Variants in SHISA9 observed in about 807,000 individuals in gnomAD.
SHISA9 encodes the protein protein shisa-9.
A neutral mutation model predicts 38.0 loss-of-function variants in SHISA9; 13 were observed. That is an observed-to-expected ratio of 0.34 (90% confidence interval 0.22 to 0.54). The LOEUF (loss-of-function observed/expected upper bound fraction) is 0.54, where lower values mean the gene tolerates loss of function less well. SHISA9 is among the 20% of genes least tolerant of loss of function. The pLI is 0.91. For missense variants in SHISA9, 538 were observed against 575.8 expected, an observed-to-expected ratio of 0.93 and a Z score of 0.67; for synonymous variants, 275 against 242.0, an observed-to-expected ratio of 1.14 and a Z score of -1.27.
intron 2 of SHISA9, among the ~76,000 whole-genome samples, chr16:13,059,077 GTGATATTATT>G (rs1272413333): frequency 6.8e-6 from 1 of 147,386 alleles, no homozygotes; most frequent in African/African-American, 2.5e-5. Context: ...ACCTCTGAAT[GTGATATTATT>G]TGATATTATT....
chr16:12,984,338 C>T (rs1444411820), intron 2 of SHISA9, among the ~76,000 whole-genome samples: 1 of 152,204 alleles, frequency 6.6e-6, no homozygotes, highest in Non-Finnish European at 1.5e-5. Context: ...TGGAGGACTT[C>T]ACATTAAATT....
At chr16:13,221,213 A>T (rs905501250) in intron 4 of SHISA9, among the ~76,000 whole-genome samples, 4 of 152,108 alleles carry the variant, frequency 2.6e-5, no homozygotes, top group African/African-American at 9.7e-5. Flanking sequence ...GACCTGGTTC[A>T]TGTGCAGCCT....
the SHISA9 span, among the ~76,000 whole-genome samples, chr16:13,305,154 T>G: frequency 2.0e-5 from 3 of 152,150 alleles, no homozygotes; most frequent in African/African-American, 7.2e-5. Flanking sequence ...CACATACACC[T>G]AATACATGTA....
chr16:13,222,997 C>G (rs1405668331), intron 4 of SHISA9, among the ~76,000 whole-genome samples: 2 of 152,212 alleles, frequency 1.3e-5, no homozygotes, highest in East Asian at 3.9e-4. Flanking sequence ...TCAATACTCT[C>G]CATCCCCAGG....
intron 2 of SHISA9, among the ~76,000 whole-genome samples, chr16:12,946,311 C>G (rs2071687745): frequency 6.6e-6 from 1 of 152,120 alleles, no homozygotes; most frequent in African/African-American, 2.4e-5. Flanking sequence ...TTAGGATTTT[C>G]TTGGCTATAG....
At chr16:12,977,278 T>C (rs766605305) in intron 2 of SHISA9, among the ~76,000 whole-genome samples, 1 of 152,032 alleles carries the variant, frequency 6.6e-6, no homozygotes, top group Non-Finnish European at 1.5e-5. Context: ...GAATTCATGA[T>C]AGGGGGAAGA....
the SHISA9 span, among the ~76,000 whole-genome samples, chr16:13,379,027 T>A: frequency 6.6e-6 from 1 of 152,190 alleles, no homozygotes; most frequent in Non-Finnish European, 1.5e-5. Context: ...TCAAGGAACC[T>A]CATCTCCTTC....
At chr16:12,998,832 G>A (rs1005799612) in intron 2 of SHISA9, among the ~76,000 whole-genome samples, 9 of 152,116 alleles carry the variant, frequency 5.9e-5, no homozygotes, top group East Asian at 1.9e-4. Context: ...CAGTGCTTAC[G>A]TTGATCTTCA....
downstream of SHISA9, among the ~76,000 whole-genome samples, chr16:13,242,405 C>T (rs113737002): frequency 3.9e-5 from 6 of 152,290 alleles, no homozygotes; most frequent in African/African-American, 9.6e-5. Flanking sequence ...CCCCTGGACC[C>T]TATGATGAGA....
chr16:13,373,196 T>C, the SHISA9 span, among the ~76,000 whole-genome samples: 1 of 152,168 alleles, frequency 6.6e-6, no homozygotes, highest in Non-Finnish European at 1.5e-5. Context: ...TATGAGGAAG[T>C]TCATATCCTA....
the SHISA9 span, among the ~76,000 whole-genome samples, chr16:13,416,160 T>C: frequency 1.2e-4 from 18 of 152,230 alleles, 1 homozygote; most frequent in South Asian, 3.5e-3. Flanking sequence ...AAAAATAAAA[T>C]TCACACAAAG....
chr16:13,260,667 A>C, the SHISA9 span, among the ~76,000 whole-genome samples: 2 of 152,134 alleles, frequency 1.3e-5, no homozygotes, highest in African/African-American at 4.8e-5. Flanking sequence ...AGTCTCTAGG[A>C]AGTTCCAAAC....
intron 2 of SHISA9, among the ~76,000 whole-genome samples, chr16:13,181,349 T>C (rs1316666614): frequency 7.7e-6 from 1 of 129,400 alleles, no homozygotes. Context: ...ACGAGCAAAG[T>C]ACAAAAAGAT....
chr16:13,042,718 CT>C (rs1436358101), intron 2 of SHISA9, among the ~76,000 whole-genome samples: 2 of 152,176 alleles, frequency 1.3e-5, no homozygotes, highest in South Asian at 4.1e-4. Flanking sequence ...GCCCTTCCCC[CT>C]ATTCTCTAGT....
At chr16:13,295,988 A>G in the SHISA9 span, among the ~76,000 whole-genome samples, 1 of 152,304 alleles carries the variant, frequency 6.6e-6, no homozygotes, top group South Asian at 2.1e-4. Flanking sequence ...GTATATGTCT[A>G]TTAGCTAGAA....
the SHISA9 span, among the ~76,000 whole-genome samples, chr16:13,371,639 T>A: frequency 6.6e-6 from 1 of 152,240 alleles, no homozygotes; most frequent in East Asian, 1.9e-4. Flanking sequence ...AGAGTAAGAT[T>A]AGCGATGTCC....
chr16:13,304,689 A>G, the SHISA9 span, among the ~76,000 whole-genome samples: 1 of 152,328 alleles, frequency 6.6e-6, no homozygotes, highest in East Asian at 1.9e-4. Context: ...TATTCCCGCA[A>G]CAATCTTATG....
At chr16:13,019,422 G>T (rs1444754126) in intron 2 of SHISA9, among the ~76,000 whole-genome samples, 1 of 152,056 alleles carries the variant, frequency 6.6e-6, no homozygotes, top group Non-Finnish European at 1.5e-5. Flanking sequence ...ATGTCCTCAT[G>T]TGGCCTTTCC....
intron 2 of SHISA9, among the ~76,000 whole-genome samples, chr16:13,118,730 CT>C (rs34471353): frequency 0.031 from 4,057 of 130,708 alleles, 83 homozygotes; most frequent in East Asian, 0.11. Flanking sequence ...TTTCTTTTTT[CT>C]TTTTTTTTTT....
Sources: gnomAD v4.1 joint callset for allele counts (sites outside exome capture counted in the v4.1 genomes callset) on GRCh38, gnomAD v4.1.1 for gene constraint, MANE v1.5 for transcripts, NCBI Gene and HGNC (gene_info 2026-07-23, HGNC 2026-07-21) for gene names.